Variants in SASH1 observed in about 807,000 individuals in gnomAD.
SASH1 encodes the protein SAM and SH3 domain-containing protein 1.
SASH1 carries 44 observed loss-of-function variants against 125.2 expected under a neutral mutation model. The ratio of observed to expected loss-of-function variants is 0.35; its 90% CI spans 0.28 to 0.45. The LOEUF (loss-of-function observed/expected upper bound fraction) is 0.45. SASH1 is among the 20% of genes least tolerant of loss of function. SASH1 has a pLI of 1.00. For missense variants in SASH1, 1,426 were observed against 1,614.5 expected, an observed-to-expected ratio of 0.88 and a Z score of 2.00; for synonymous variants, 639 against 649.1, an observed-to-expected ratio of 0.98 and a Z score of 0.24.
chr6:148,260,949 C>T, the SASH1 span, among the ~76,000 whole-genome samples: 2 of 151,612 alleles, frequency 1.3e-5, no homozygotes, highest in Non-Finnish European at 2.9e-5. Flanking sequence ...GGACTACCAG[C>T]GCGTGCCACC....
At chr6:148,230,941 T>C in the SASH1 span, among the ~76,000 whole-genome samples, 1 of 152,246 alleles carries the variant, frequency 6.6e-6, no homozygotes, top group African/African-American at 2.4e-5. Flanking sequence ...CTTTTCACAT[T>C]CTATTTTGTA....
the SASH1 span, among the ~76,000 whole-genome samples, chr6:148,217,529 T>C: frequency 6.6e-6 from 1 of 152,104 alleles, no homozygotes; most frequent in Non-Finnish European, 1.5e-5. Context: ...ATCATCCAGA[T>C]CACACAGCCA....
the SASH1 span, among the ~76,000 whole-genome samples, chr6:148,224,368 T>C: frequency 9.6e-6 from 1 of 103,986 alleles, no homozygotes; most frequent in Non-Finnish European, 2.0e-5. Context: ...CCCCCCAGCC[T>C]TTTTTTTTTT....
intron 1 of SASH1, among the ~76,000 whole-genome samples, chr6:148,290,568 T>A (rs1779602863): frequency 6.6e-6 from 1 of 152,078 alleles, no homozygotes; most frequent in Non-Finnish European, 1.5e-5. Flanking sequence ...ATCGTGCCAC[T>A]GCACTCCAGC....
At chr6:148,306,866 G>T (rs1427201265) in intron 1 of SASH1, among the ~76,000 whole-genome samples, 1 of 152,060 alleles carries the variant, frequency 6.6e-6, no homozygotes, top group East Asian at 1.9e-4. Context: ...GTACCTCTAG[G>T]AACTCACTCT....
the SASH1 span, among the ~76,000 whole-genome samples, chr6:148,232,139 A>G: frequency 6.6e-6 from 1 of 152,126 alleles, no homozygotes; most frequent in Non-Finnish European, 1.5e-5. Context: ...AGGAAAAGAA[A>G]TTAATATGAA....
rs191158724 is a variant in SASH1 at position 148,483,406 on chromosome 6, A to G, written c.628-4208A>G. Among the ~76,000 whole-genome samples, 62 of 152,212 alleles carry G rather than the reference A, an allele frequency of 4.1e-4. 1 individual carries two copies. The highest frequency in any genetic ancestry group is 1.4e-3 in the African/African-American group (57 of 41,534). ...CTCTCTTTAGGCCTCCATCCCCAAT[A>G]TTGGAATTCAATTTCAGTATAAGGT... On this transcript the variant is annotated intron_variant, in intron 7 of 19. Coordinates refer to ENST00000367467, the MANE Select transcript of SASH1 (RefSeq NM_015278.5).
At chr6:148,294,787 C>A (rs1247558414) in intron 1 of SASH1, among the ~76,000 whole-genome samples, 1 of 152,054 alleles carries the variant, frequency 6.6e-6, no homozygotes, top group Non-Finnish European at 1.5e-5. Flanking sequence ...GCCCTTATAT[C>A]TTATTGGATG....
intron 8 of SASH1, among the ~76,000 whole-genome samples, chr6:148,503,588 T>G (rs1382252429): frequency 1.3e-5 from 2 of 152,178 alleles, no homozygotes; most frequent in Admixed American, 1.3e-4. Context: ...GGCCTGGGGT[T>G]TCTCTAAAGG....
intron 2 of SASH1, among the ~76,000 whole-genome samples, chr6:148,411,622 C>T (rs9386225): frequency 0.12 from 17,939 of 152,158 alleles, 1,249 homozygotes; most frequent in Admixed American, 0.22. Context: ...TGGCTCACTG[C>T]AACCTTTGCC....
chr6:148,349,349 A>C (rs2493914), intron 1 of SASH1, among the ~76,000 whole-genome samples: 70,293 of 143,852 alleles, frequency 0.49, 16,939 homozygotes, highest in South Asian at 0.58. Flanking sequence ...TGCAACCCTC[A>C]ACCTTCCAGG....
At chr6:148,475,034 A>C (rs1301623155) in intron 7 of SASH1, among the ~76,000 whole-genome samples, 1 of 152,226 alleles carries the variant, frequency 6.6e-6, no homozygotes, top group Non-Finnish European at 1.5e-5. Flanking sequence ...CAAGAAGCCT[A>C]ATTAACCTTT....
At chr6:148,520,045 G>A (rs1034540223) in intron 10 of SASH1, 152 bp downstream of exon 10, 59 of 625,556 alleles carry the variant, frequency 9.4e-5, no homozygotes, top group Admixed American at 1.5e-4. Flanking sequence ...CTCTGCCAGC[G>A]TCCCTCCAGA....
At chr6:148,284,604 A>C (rs960540387) in intron 1 of SASH1, among the ~76,000 whole-genome samples, 1 of 152,232 alleles carries the variant, frequency 6.6e-6, no homozygotes, top group African/African-American at 2.4e-5. Context: ...TATTTTATAC[A>C]TAATTTCATA....
chr6:148,402,510 T>C (rs367879836), intron 2 of SASH1, among the ~76,000 whole-genome samples: 51 of 152,260 alleles, frequency 3.3e-4, no homozygotes, highest in African/African-American at 1.2e-3. Flanking sequence ...GGTTTTGTCA[T>C]TTTGGCCAGG....
At chr6:148,246,668 A>G in the SASH1 span, among the ~76,000 whole-genome samples, 89 of 152,274 alleles carry the variant, frequency 5.8e-4, 1 homozygote, top group Admixed American at 5.8e-3. Context: ...ACTTTGTATC[A>G]ACCACAGTCA....
chr6:148,229,089 G>A, the SASH1 span, among the ~76,000 whole-genome samples: 122 of 120,560 alleles, frequency 1.0e-3, 3 homozygotes, highest in South Asian at 0.028. Context: ...AGCCAAGATC[G>A]CACTACTGCA....
At chr6:148,256,813 G>T in the SASH1 span, among the ~76,000 whole-genome samples, 5 of 152,092 alleles carry the variant, frequency 3.3e-5, no homozygotes, top group African/African-American at 1.2e-4. Flanking sequence ...GAATTTTACT[G>T]AATGTAAATT....
chr6:148,228,393 A>G, the SASH1 span, among the ~76,000 whole-genome samples: 1 of 152,348 alleles, frequency 6.6e-6, no homozygotes, highest in African/African-American at 2.4e-5. Flanking sequence ...CCTCCTTTTA[A>G]GTATCTTATG....
Sources: gnomAD v4.1 joint callset for allele counts (sites outside exome capture counted in the v4.1 genomes callset) on GRCh38, gnomAD v4.1.1 for gene constraint, MANE v1.5 for transcripts, NCBI Gene and HGNC (gene_info 2026-07-23, HGNC 2026-07-21) for gene names.